Variants in SYN3 observed in about 807,000 individuals in gnomAD.
SYN3 encodes the protein synapsin-3.
In SYN3, 35 loss-of-function variants were observed where a neutral mutation model predicts 65.8. The ratio of observed to expected loss-of-function variants is 0.53; its 90% CI spans 0.41 to 0.70. SYN3 has a LOEUF of 0.70. Among genes scored for constraint, SYN3 ranks in the 30% least tolerant of loss-of-function variants. SYN3 has a pLI of 0.00. For synonymous variants in SYN3, 270 were observed against 292.9 expected (o/e 0.92, Z 0.80); for missense variants, 680 against 749.0 (o/e 0.91, Z 1.08).
Position 32,512,953 on chromosome 22 carries a change from A to G in SYN3, c.*739T>C, listed in dbSNP as rs2057709115. ...CCTTTGTAAACTAGTCTTTATTCCT[A>G]CAATAACCTGTGATCTGCCCTTGGC... On this transcript the variant is annotated 3_prime_UTR_variant, in exon 14 of 14. Coordinates refer to ENST00000358763, the MANE Select transcript of SYN3 (RefSeq NM_003490.4). The G allele has an allele frequency of 6.6e-6, 1 of 152,176 alleles. No individual in the cohort carries two copies. Among genetic ancestry groups the G allele is most frequent in the East Asian group, 1.9e-4 (1 of 5,192 alleles). The allele number at this position is 152,176 out of a possible 1,614,324, so 9.4% of individuals were successfully genotyped here.
chr22:32,739,119 A>G (rs144386916), intron 6 of SYN3, among the ~76,000 whole-genome samples: 15 of 150,936 alleles, frequency 9.9e-5, no homozygotes, highest in African/African-American at 3.6e-4. Context: ...TGAATTATAG[A>G]TCCCATAATT....
At chr22:32,890,432 G>C (rs980452961) in intron 4 of SYN3, among the ~76,000 whole-genome samples, 1 of 151,776 alleles carries the variant, frequency 6.6e-6, no homozygotes, top group African/African-American at 2.4e-5. Context: ...CAAGGCTGGA[G>C]TGCAGTGGCA....
intron 6 of SYN3, chr22:32,849,554 T>G (rs1227305189): frequency 6.2e-7 from 1 of 1,609,208 alleles, no homozygotes; most frequent in Admixed American, 1.7e-5. Flanking sequence ...GTCATCACCC[T>G]GGCTCCGGGA....
At chr22:32,889,984 T>C (rs1220450366) in intron 4 of SYN3, among the ~76,000 whole-genome samples, 2 of 151,662 alleles carry the variant, frequency 1.3e-5, no homozygotes, top group Admixed American at 1.3e-4. Flanking sequence ...CTGAGCAACA[T>C]TAAATTGATC....
rs60884096 is a variant in SYN3, at chr22:32,991,338, AAATAAT to A, written c.312-10642_312-10637del. Among the ~76,000 whole-genome samples the A allele has an allele frequency of 5.9e-3, 842 of 142,600 alleles. 11 individuals carry two copies. The highest frequency in any genetic ancestry group is 0.016 in the African/African-American group (598 of 38,348). 93.6% of individuals were successfully genotyped at this position (142,600 alleles called of 152,430 possible). A position where few individuals can be genotyped will look rare whatever the true frequency, so the allele number is the denominator to read the frequency against. ...GGGTAACAGAGTGAGACTCCATCTC[AAATAAT>A]AATAATAATAATAATAATAATAATA... On this transcript the variant is annotated intron_variant, in intron 2 of 13. Transcript: ENST00000358763.
At chr22:32,651,835 A>G (rs2060075966) in intron 6 of SYN3, among the ~76,000 whole-genome samples, 1 of 152,162 alleles carries the variant, frequency 6.6e-6, no homozygotes, top group Non-Finnish European at 1.5e-5. Context: ...ACTTGGGCTG[A>G]CATTAGAGCA....
At chr22:32,687,672 C>T (rs2060609299) in intron 6 of SYN3, among the ~76,000 whole-genome samples, 1 of 152,132 alleles carries the variant, frequency 6.6e-6, no homozygotes, top group African/African-American at 2.4e-5. Context: ...CTCTTGAGCT[C>T]ACCTTGTATC....
At chr22:32,945,246 C>T (rs569991399) in intron 3 of SYN3, among the ~76,000 whole-genome samples, 7 of 152,246 alleles carry the variant, frequency 4.6e-5, no homozygotes, top group South Asian at 2.1e-4. Context: ...CAATCCTAAG[C>T]GAAAGAACAA....
chr22:32,565,766 C>T (rs549516127), intron 7 of SYN3, among the ~76,000 whole-genome samples: 43 of 152,046 alleles, frequency 2.8e-4, no homozygotes, highest in African/African-American at 8.4e-4. Context: ...GGCTGGAGTG[C>T]AGTGGCACGA....
chr22:32,988,007 G>C (rs998158638), intron 2 of SYN3, among the ~76,000 whole-genome samples: 1 of 151,846 alleles, frequency 6.6e-6, no homozygotes, highest in Non-Finnish European at 1.5e-5. Context: ...GGTAGAAAAG[G>C]CTTCTTTGAA....
At chr22:32,667,541 G>A (rs1482874441) in intron 6 of SYN3, among the ~76,000 whole-genome samples, 1 of 152,118 alleles carries the variant, frequency 6.6e-6, no homozygotes, top group Non-Finnish European at 1.5e-5. Flanking sequence ...AGGTTTTTGG[G>A]TAGGTCAAGT....
chr22:32,798,679 T>C (rs8137129), intron 6 of SYN3, among the ~76,000 whole-genome samples: 52,688 of 146,110 alleles, frequency 0.36, 10,834 homozygotes, highest in African/African-American at 0.55. Context: ...AGCCTGCATC[T>C]TCATTCTTTT....
Position 33,049,670 on chromosome 22 carries a change from C to T in SYN3, c.-163+8622G>A, listed in dbSNP as rs1288967393. 3.3e-5 allele frequency among the ~76,000 whole-genome samples: 5 copies of T among 152,160 alleles called. No individual in the cohort carries two copies. The East Asian group carries it at 5.8e-4, about 18-fold the overall frequency. ...ACGCTCTGGAAGCATGCCTCTTAGT[C>T]GGGAAGACAAAGAACAAAAACCACA... On this transcript the variant is annotated intron_variant, in intron 1 of 13. Coordinates refer to ENST00000358763, the MANE Select transcript of SYN3 (RefSeq NM_003490.4).
intron 6 of SYN3, among the ~76,000 whole-genome samples, chr22:32,770,213 C>G (rs1281126856): frequency 6.6e-6 from 1 of 152,194 alleles, no homozygotes; most frequent in East Asian, 1.9e-4. Flanking sequence ...CCACATCTAT[C>G]ACTAACTCCT....
intron 4 of SYN3, among the ~76,000 whole-genome samples, chr22:32,900,472 G>A (rs1172412936): frequency 1.3e-5 from 2 of 152,202 alleles, no homozygotes; most frequent in African/African-American, 4.8e-5. Context: ...TAAATACTCT[G>A]TGCCAGGTGT....
At chr22:32,843,184 A>G (rs2047963032) in intron 6 of SYN3, among the ~76,000 whole-genome samples, 1 of 152,136 alleles carries the variant, frequency 6.6e-6, no homozygotes, top group African/African-American at 2.4e-5. Flanking sequence ...AACAGTAGCC[A>G]CCTTACCAGC....
At chr22:32,874,856 C>A (rs1465699937) in intron 4 of SYN3, among the ~76,000 whole-genome samples, 2 of 152,188 alleles carry the variant, frequency 1.3e-5, no homozygotes, top group South Asian at 4.1e-4. Flanking sequence ...TAACACTCCA[C>A]CTTGGAAAAT....
intron 4 of SYN3, among the ~76,000 whole-genome samples, chr22:32,896,656 T>C (rs1431676739): frequency 6.6e-6 from 1 of 152,218 alleles, no homozygotes; most frequent in African/African-American, 2.4e-5. Context: ...TAGGAAAAGA[T>C]AACATTTCAT....
chr22:32,835,937 C>T (rs769815473), intron 6 of SYN3, among the ~76,000 whole-genome samples: 2 of 152,232 alleles, frequency 1.3e-5, no homozygotes, highest in Non-Finnish European at 2.9e-5. Context: ...GTAACTTATA[C>T]AAGCCCTTCT....
Sources: gnomAD v4.1 joint callset for allele counts (sites outside exome capture counted in the v4.1 genomes callset) on GRCh38, gnomAD v4.1.1 for gene constraint, MANE v1.5 for transcripts, NCBI Gene and HGNC (gene_info 2026-07-23, HGNC 2026-07-21) for gene names.